The following SLA variants were observed in gnomAD, a reference collection of about 807,000 sequenced individuals.
SLA encodes the protein src-like-adapter.
In SLA, 16 loss-of-function variants were observed where a neutral mutation model predicts 30.3. The ratio of observed to expected loss-of-function variants is 0.53; its 90% CI spans 0.36 to 0.80. The LOEUF (loss-of-function observed/expected upper bound fraction) is 0.80, where lower values mean the gene tolerates loss of function less well. SLA is among the 30% of genes least tolerant of loss of function. SLA has a pLI of 0.01. For missense variants in SLA, 310 were observed against 345.2 expected (o/e 0.90, Z 0.81); for synonymous variants, 143 against 137.8 (o/e 1.04, Z -0.26).
chr8:133,042,678 CTTTTTTTTTT>C (rs58739514), intron 7 of SLA, among the ~76,000 whole-genome samples: 54 of 56,756 alleles, frequency 9.5e-4, no homozygotes, highest in African/African-American at 2.1e-3. Context: ...CATTCTGTGT[CTTTTTTTTTT>C]TTTTTTTTTT....
intron 2 of SLA, among the ~76,000 whole-genome samples, chr8:133,067,941 A>G (rs943759710): frequency 2.0e-5 from 3 of 151,428 alleles, no homozygotes; most frequent in East Asian, 1.9e-4. Flanking sequence ...GAAAGAAAGA[A>G]AGAGAGAAAG....
intron 1 of SLA, among the ~76,000 whole-genome samples, chr8:133,091,193 G>T (rs1847458364): frequency 1.3e-5 from 2 of 152,248 alleles, no homozygotes; most frequent in African/African-American, 4.8e-5. Context: ...GCTGGGCACT[G>T]CTGCAAGGGC....
At chr8:133,093,912 C>G (rs189417673) in intron 1 of SLA, among the ~76,000 whole-genome samples, 28 of 152,306 alleles carry the variant, frequency 1.8e-4, no homozygotes, top group African/African-American at 6.5e-4. Context: ...AATAGGGAAC[C>G]TCTTGAGTGA....
chr8:133,067,826 G>A (rs1027209562), intron 2 of SLA, among the ~76,000 whole-genome samples: 7 of 148,874 alleles, frequency 4.7e-5, no homozygotes, highest in African/African-American at 1.5e-4. Context: ...GGAAGGAAGG[G>A]GGAGAGAGAG....
At chr8:133,041,364 GC>G (rs1207737835) in intron 7 of SLA, among the ~76,000 whole-genome samples, 1 of 152,234 alleles carries the variant, frequency 6.6e-6, no homozygotes, top group Non-Finnish European at 1.5e-5. Context: ...CACAGGGCGG[GC>G]AAGCCAGGAA....
At chr8:133,099,321 G>A (rs1412258703) in intron 1 of SLA, among the ~76,000 whole-genome samples, 1 of 152,208 alleles carries the variant, frequency 6.6e-6, no homozygotes, top group Non-Finnish European at 1.5e-5. Flanking sequence ...ACACGCATTA[G>A]TGAAGCCACT....
chr8:133,041,244 G>A (rs1239331980), intron 7 of SLA, among the ~76,000 whole-genome samples: 1 of 152,220 alleles, frequency 6.6e-6, no homozygotes, highest in Admixed American at 6.5e-5. Context: ...TCGACAGCAC[G>A]TCACACCTCT....
intron 1 of SLA, among the ~76,000 whole-genome samples, chr8:133,080,069 T>G (rs574892239): frequency 1.1e-4 from 17 of 152,222 alleles, no homozygotes; most frequent in African/African-American, 4.1e-4. Flanking sequence ...AGAAGGGAAC[T>G]GAAGGCATGG....
chr8:133,074,908 G>A lies in SLA; in HGVS notation c.-96C>T. The A allele has an allele frequency of 2.0e-6, 2 of 985,594 alleles. No individual in the cohort carries two copies. The highest frequency in any genetic ancestry group is 9.4e-5 in the South Asian group (2 of 21,300). The allele number at this position is 985,594 out of a possible 1,614,324, so 61.1% of individuals were successfully genotyped here. A position where few individuals can be genotyped will look rare whatever the true frequency, so the allele number is the denominator to read the frequency against. Reference sequence around the variant, plus strand: ...GCTGTCTGCAGAGGGATTGCTGGGTGCAGAGTCACTGCCTCTCCGTCTGTC... The same window carrying A: ...GCTGTCTGCAGAGGGATTGCTGGGTACAGAGTCACTGCCTCTCCGTCTGTC... On this transcript the variant is annotated 5_prime_UTR_variant, in exon 2 of 9. Transcript: ENST00000338087.
At chr8:133,052,864 A>T (rs1023632037) in intron 3 of SLA, among the ~76,000 whole-genome samples, 21 of 152,152 alleles carry the variant, frequency 1.4e-4, no homozygotes, top group African/African-American at 4.8e-4. Flanking sequence ...TTTGCCACTC[A>T]CTGAGTGGGA....
chr8:133,073,582 T>G (rs956309934), intron 2 of SLA, among the ~76,000 whole-genome samples: 1 of 152,192 alleles, frequency 6.6e-6, no homozygotes, highest in Non-Finnish European at 1.5e-5. Flanking sequence ...GCAACAAATT[T>G]GCCAGAATTT....
At chr8:133,048,299 C>T (rs769070835) in intron 5 of SLA, among the ~76,000 whole-genome samples, 9 of 152,148 alleles carry the variant, frequency 5.9e-5, no homozygotes, top group Non-Finnish European at 1.2e-4. Context: ...TGGTTCACTG[C>T]ATCCTCCACC....
intron 1 of SLA, 156 bp downstream of exon 1, chr8:133,102,397 C>T (rs1173988843): frequency 4.9e-6 from 3 of 617,140 alleles, no homozygotes; most frequent in Non-Finnish European, 8.7e-6. Context: ...TGGAGCTACT[C>T]ACCACCAGCA....
chr8:133,075,587 T>G (rs1156377563), intron 1 of SLA, among the ~76,000 whole-genome samples: 2 of 152,232 alleles, frequency 1.3e-5, no homozygotes, highest in Non-Finnish European at 2.9e-5. Flanking sequence ...CGTCTAGTTC[T>G]TAGGGGACAT....
chr8:133,092,003 C>T (rs1254004884), intron 1 of SLA, among the ~76,000 whole-genome samples: 1 of 152,064 alleles, frequency 6.6e-6, no homozygotes, highest in Non-Finnish European at 1.5e-5. Flanking sequence ...CTGTGTGTGT[C>T]CTTAACCCAC....
intron 5 of SLA, chr8:133,049,350 A>G (rs1006509896): frequency 1.5e-5 from 5 of 331,338 alleles, no homozygotes; most frequent in African/African-American, 4.3e-5. Flanking sequence ...GCTAATATTT[A>G]TCGAGTGCTT....
intron 1 of SLA, chr8:133,096,373 G>A: frequency 1.2e-6 from 2 of 1,614,202 alleles, no homozygotes; most frequent in South Asian, 1.1e-5. Flanking sequence ...AGGCTGTGAA[G>A]GTAAGCAGGG....
At chr8:133,064,427 T>G (rs1842793684) in intron 2 of SLA, among the ~76,000 whole-genome samples, 1 of 152,248 alleles carries the variant, frequency 6.6e-6, no homozygotes, top group African/African-American at 2.4e-5. Context: ...GTATTTAATC[T>G]TACAAGCATT....
chr8:133,102,476 A>T, intron 1 of SLA, 77 bp downstream of exon 1: 2 of 1,311,532 alleles, frequency 1.5e-6, no homozygotes, highest in Non-Finnish European at 1.1e-6. Context: ...CCCTCTGAAG[A>T]CCCTCCCCCA....
Sources: gnomAD v4.1 joint callset for allele counts (sites outside exome capture counted in the v4.1 genomes callset) on GRCh38, gnomAD v4.1.1 for gene constraint, MANE v1.5 for transcripts, NCBI Gene and HGNC (gene_info 2026-07-23, HGNC 2026-07-21) for gene names.